The following UTRN variants were observed in gnomAD, a reference collection of about 807,000 sequenced individuals.
The protein encoded by UTRN is utrophin.
A neutral mutation model predicts 463.9 loss-of-function variants in UTRN; 283 were observed. The ratio of observed to expected loss-of-function variants is 0.61; its 90% CI spans 0.55 to 0.67. The LOEUF is 0.67. Ranked by LOEUF, UTRN falls within the 30% of genes least tolerant of loss-of-function variation. UTRN has a pLI of 0.00. For missense variants in UTRN, 3,922 were observed against 4,084.3 expected (o/e 0.96, Z 1.08); for synonymous variants, 1,442 against 1,431.5 (o/e 1.01, Z -0.17).
Position 144,732,257 on chromosome 6 carries a change from TACACAC to T in UTRN, c.7939+1773_7939+1778del, listed in dbSNP as rs1161418624. On this transcript the variant is annotated intron_variant, in intron 54 of 74. Transcript: ENST00000367545. ...ATATATACATATATATATATATATA[TACACAC>T]ATATATATATATATACACACATATA... 1.3e-3 allele frequency among the ~76,000 whole-genome samples: 114 copies of T among 85,278 alleles called. 1 individual carries two copies. Among genetic ancestry groups the T allele is most frequent in the African/African-American group, 3.7e-3 (73 of 19,682 alleles). 55.9% of individuals were successfully genotyped at this position (85,278 alleles called of 152,430 possible).
At chr6:144,643,149 C>T (rs1777933203) in intron 51 of UTRN, among the ~76,000 whole-genome samples, 1 of 152,034 alleles carries the variant, frequency 6.6e-6, no homozygotes, top group South Asian at 2.1e-4. Flanking sequence ...CAAGGCTAAA[C>T]TTAAAGGTAC....
chr6:144,834,351 G>T (rs1248566386), intron 69 of UTRN, among the ~76,000 whole-genome samples: 2 of 152,014 alleles, frequency 1.3e-5, no homozygotes, highest in African/African-American at 4.8e-5. Flanking sequence ...AAAGAGAGGG[G>T]GTTTATTGAT....
chr6:144,813,974 G>A (rs973157733), intron 65 of UTRN, among the ~76,000 whole-genome samples: 1 of 152,146 alleles, frequency 6.6e-6, no homozygotes, highest in Non-Finnish European at 1.5e-5. Context: ...GCATCTCAAG[G>A]CAACAGAAAT....
rs921959985 is a variant in UTRN at position 144,482,682 on chromosome 6, A to G, written c.3687+294A>G. 8.5e-5 allele frequency among the ~76,000 whole-genome samples: 13 copies of G among 152,168 alleles called. No individual in the cohort carries two copies. In the East Asian group the frequency reaches 2.3e-3, roughly 27 times the overall value. ...AAACTTTACTTTTTTTATAGGTGCAATCCAGGTTTTCATGTAACAGATGAT... is the reference window on the plus strand; with the variant it reads ...AAACTTTACTTTTTTTATAGGTGCAGTCCAGGTTTTCATGTAACAGATGAT... On this transcript the variant is annotated intron_variant, in intron 27 of 74. Coordinates refer to ENST00000367545, the MANE Select transcript of UTRN (RefSeq NM_007124.3).
intron 2 of UTRN, among the ~76,000 whole-genome samples, chr6:144,367,204 T>G (rs1418337930): frequency 1.3e-5 from 2 of 151,994 alleles, no homozygotes; most frequent in African/African-American, 2.4e-5. Flanking sequence ...AGGATGGTCT[T>G]GAACTCCTGA....
In UTRN at chr6:144,644,538, G is replaced by A. The variant is rs150204457; in HGVS notation, c.7480-33868G>A. On this transcript the variant is annotated intron_variant, in intron 51 of 74. Coordinates refer to ENST00000367545, the MANE Select transcript of UTRN (RefSeq NM_007124.3). ...AATTATGACAGCCATAAAATATAAA[G>A]TATATGGAATTATATATTTGGCTAT... Among the ~76,000 whole-genome samples, 258 of 152,100 alleles carry A rather than the reference G, an allele frequency of 1.7e-3. 1 individual carries two copies. Among genetic ancestry groups the A allele is most frequent in the African/African-American group, 5.9e-3 (244 of 41,478 alleles).
At chr6:144,730,595 CT>C in intron 54 of UTRN, 109 bp downstream of exon 54, 1 of 1,238,408 alleles carries the variant, frequency 8.1e-7, no homozygotes, top group Non-Finnish European at 1.0e-6. Flanking sequence ...ATATTTAAAT[CT>C]TTTCTTCTAA....
chr6:144,439,771 G>A (rs1440137206), intron 12 of UTRN, among the ~76,000 whole-genome samples: 1 of 152,174 alleles, frequency 6.6e-6, no homozygotes, highest in Non-Finnish European at 1.5e-5. Flanking sequence ...CCAAAGTGCT[G>A]GGATTACAGG....
At chr6:144,433,473 G>A (rs1786140809) in intron 9 of UTRN, among the ~76,000 whole-genome samples, 1 of 151,952 alleles carries the variant, frequency 6.6e-6, no homozygotes, top group Non-Finnish European at 1.5e-5. Context: ...AGACGGGGCG[G>A]TTGCCAGGCA....
intron 65 of UTRN, among the ~76,000 whole-genome samples, chr6:144,810,649 T>C (rs1346139559): frequency 6.6e-6 from 1 of 152,018 alleles, no homozygotes; most frequent in South Asian, 2.1e-4. Flanking sequence ...GATAGAAAGG[T>C]AGTTTGAGAG....
chr6:144,656,926 A>T (rs987408184), intron 51 of UTRN, among the ~76,000 whole-genome samples: 1 of 152,180 alleles, frequency 6.6e-6, no homozygotes, highest in African/African-American at 2.4e-5. Flanking sequence ...TTGAATATGG[A>T]TCCACTGAGT....
Position 144,827,394 on chromosome 6 carries a change from T to G in UTRN, c.9533+8T>G, listed in dbSNP as rs1406708023. Reference sequence around the variant, plus strand: ...GTGGCCAGAGCACTATGAGTGAGTATTCATAGCCCACGTGCAGGAGAGGTG... The same window carrying G: ...GTGGCCAGAGCACTATGAGTGAGTAGTCATAGCCCACGTGCAGGAGAGGTG... On this transcript the variant is annotated splice_region_variant and intron_variant, in intron 67 of 74. Coordinates refer to ENST00000367545, the MANE Select transcript of UTRN (RefSeq NM_007124.3). The G allele has an allele frequency of 4.3e-6, 7 of 1,613,346 alleles. No homozygotes were observed. Among genetic ancestry groups the G allele is most frequent in the Non-Finnish European group, 5.9e-6 (7 of 1,179,604 alleles).
At chr6:144,813,820 T>C (rs1055337999) in intron 65 of UTRN, among the ~76,000 whole-genome samples, 5 of 152,218 alleles carry the variant, frequency 3.3e-5, no homozygotes, top group Non-Finnish European at 7.3e-5. Flanking sequence ...GGTTTTGCCA[T>C]GCGCAGAGGC....
At chr6:144,384,135 T>C (rs1781190368) in intron 2 of UTRN, among the ~76,000 whole-genome samples, 1 of 152,194 alleles carries the variant, frequency 6.6e-6, no homozygotes, top group Non-Finnish European at 1.5e-5. Context: ...TATATAACCA[T>C]CACTACCATC....
At position 144,771,955 on chromosome 6, in the gene UTRN, C is replaced by T; in HGVS notation, c.8544C>T (p.Leu2848=). ...TCWDHPKMTE[L]FQSLADLNNV... is the part of the protein sequence containing the mutation. Reference sequence around the variant, plus strand: ...GGGACCATCCTAAAATGACCGAACTCTTTCAATCCCTTGGTAAGTGTTATT... The same window carrying T: ...GGGACCATCCTAAAATGACCGAACTTTTTCAATCCCTTGGTAAGTGTTATT... The change falls in exon 59 of 75, where the codon CTC becomes CTT. Residue 2848 remains leucine, a synonymous_variant. Transcript: ENST00000367545. 6.7e-7 allele frequency: 1 copy of T among 1,497,846 alleles called. No individual in the cohort carries two copies. The allele number at this position is 1,497,846 out of a possible 1,614,324, so 92.8% of individuals were successfully genotyped here.
In UTRN at chr6:144,405,777, A is replaced by T. The variant is rs143190805; in HGVS notation, c.141+2593A>T. Among the ~76,000 whole-genome samples the T allele has an allele frequency of 3.7e-3, 564 of 152,326 alleles. 1 individual carries two copies. Among genetic ancestry groups the T allele is most frequent in the Non-Finnish European group, 6.1e-3 (417 of 68,022 alleles). ...AGTCAATCAAACATCGAGCCTTGTTAATTCCAATACCTACATATATTCAAA... is the reference window on the plus strand; with the variant it reads ...AGTCAATCAAACATCGAGCCTTGTTTATTCCAATACCTACATATATTCAAA... On this transcript the variant is annotated intron_variant, in intron 3 of 74. Coordinates refer to ENST00000367545, the MANE Select transcript of UTRN (RefSeq NM_007124.3).
intron 71 of UTRN, 67 bp downstream of exon 71, chr6:144,836,608 G>A: frequency 3.2e-6 from 5 of 1,585,602 alleles, no homozygotes; most frequent in Admixed American, 1.7e-5. Flanking sequence ...GGAGATGATG[G>A]TCCAGGTGTC....
intron 51 of UTRN, among the ~76,000 whole-genome samples, chr6:144,579,942 G>A (rs1399672417): frequency 6.6e-6 from 1 of 152,058 alleles, no homozygotes; most frequent in African/African-American, 2.4e-5. Flanking sequence ...ATTTTAAAGT[G>A]TTCTCTCCAT....
intron 51 of UTRN, among the ~76,000 whole-genome samples, chr6:144,588,683 A>C (rs964119884): frequency 1.3e-5 from 2 of 152,162 alleles, no homozygotes; most frequent in Non-Finnish European, 2.9e-5. Context: ...ATTAAATTTC[A>C]AGTGGAAATT....
Sources: gnomAD v4.1 joint callset for allele counts (sites outside exome capture counted in the v4.1 genomes callset) on GRCh38, gnomAD v4.1.1 for gene constraint, MANE v1.5 for transcripts, NCBI Gene and HGNC (gene_info 2026-07-23, HGNC 2026-07-21) for gene names.